MTHFD2L: variants seen among roughly 807,000 people sequenced by gnomAD.
MTHFD2L encodes bifunctional methylenetetrahydrofolate dehydrogenase/cyclohydrolase 2, mitochondrial.
Under a neutral mutation model 34.9 loss-of-function variants are expected in MTHFD2L, and 29 were observed. That is an observed-to-expected ratio of 0.83 (90% CI 0.62 to 1.13). The LOEUF is 1.13. MTHFD2L is among the 50% of genes most tolerant of loss of function. MTHFD2L has a pLI of 0.00. For synonymous variants in MTHFD2L, 167 were observed against 155.7 expected, an observed-to-expected ratio of 1.07 and a Z score of -0.54; for missense variants, 481 against 446.5, an observed-to-expected ratio of 1.08 and a Z score of -0.70.
intron 6 of MTHFD2L, among the ~76,000 whole-genome samples, chr4:74,243,317 G>A (rs1741969011): frequency 6.6e-6 from 1 of 152,150 alleles, no homozygotes; most frequent in African/African-American, 2.4e-5. Context: ...CTGAGTACAG[G>A]AACTCTGCAG....
intron 1 of MTHFD2L, among the ~76,000 whole-genome samples, chr4:74,166,572 G>T (rs1726752269): frequency 6.6e-6 from 1 of 152,210 alleles, no homozygotes; most frequent in Non-Finnish European, 1.5e-5. Flanking sequence ...CTCCCATTTG[G>T]TCTGTTTGTT....
intron 6 of MTHFD2L, among the ~76,000 whole-genome samples, chr4:74,239,503 G>C (rs1192884483): frequency 7.1e-6 from 1 of 139,864 alleles, no homozygotes; most frequent in African/African-American, 2.7e-5. Context: ...AAAAAAAAAA[G>C]GCTTCTGGAT....
At chr4:74,209,342 T>G (rs372433511) in intron 5 of MTHFD2L, among the ~76,000 whole-genome samples, 2 of 152,226 alleles carry the variant, frequency 1.3e-5, no homozygotes, top group Admixed American at 6.5e-5. Flanking sequence ...TCCCTCCCCT[T>G]GCTCCCCACC....
chr4:74,168,315 G>A (rs550771516), intron 1 of MTHFD2L, among the ~76,000 whole-genome samples: 101 of 152,204 alleles, frequency 6.6e-4, no homozygotes, highest in African/African-American at 2.4e-3. Flanking sequence ...AAAGATTTCA[G>A]GTATGCTCCT....
chr4:74,231,028 T>G (rs923869329), intron 6 of MTHFD2L, among the ~76,000 whole-genome samples: 3 of 152,170 alleles, frequency 2.0e-5, no homozygotes, highest in African/African-American at 7.2e-5. Context: ...AAAGCTGGCA[T>G]TTTTGGCCAC....
At chr4:74,261,343 A>G (rs985618520) in intron 6 of MTHFD2L, among the ~76,000 whole-genome samples, 2 of 151,820 alleles carry the variant, frequency 1.3e-5, no homozygotes, top group Non-Finnish European at 1.5e-5. Context: ...AATAATATAT[A>G]ATTAGAAAAT....
At chr4:74,219,208 A>G (rs1346360619) in intron 5 of MTHFD2L, among the ~76,000 whole-genome samples, 2 of 152,138 alleles carry the variant, frequency 1.3e-5, no homozygotes, top group African/African-American at 4.8e-5. Flanking sequence ...TCCCTCCCAG[A>G]TACTGACAGA....
chr4:74,160,966 A>C (rs978835818), intron 1 of MTHFD2L: 4 of 152,324 alleles, frequency 2.6e-5, no homozygotes, highest in African/African-American at 9.6e-5. Context: ...AACTAAATGG[A>C]TATCCCAAGC....
At chr4:74,117,625 CA>C (rs1354606422) in intron 2 of MTHFD2L, among the ~76,000 whole-genome samples, 12 of 152,202 alleles carry the variant, frequency 7.9e-5, no homozygotes, top group Admixed American at 5.9e-4. Flanking sequence ...TTCAAAGGTT[CA>C]AACATTTGGG....
At chr4:74,271,272 T>C (rs921661519) in intron 6 of MTHFD2L, among the ~76,000 whole-genome samples, 1 of 152,220 alleles carries the variant, frequency 6.6e-6, no homozygotes, top group African/African-American at 2.4e-5. Flanking sequence ...TGGTATTACC[T>C]AGGTTTTCTT....
At chr4:74,238,830 A>G (rs1200011039) in intron 6 of MTHFD2L, among the ~76,000 whole-genome samples, 1 of 152,250 alleles carries the variant, frequency 6.6e-6, no homozygotes, top group African/African-American at 2.4e-5. Flanking sequence ...TTAAAAAGTC[A>G]GGAAACAACA....
Position 74,210,393 on chromosome 4 carries a change from C to A in MTHFD2L, c.712+9023C>A, listed in dbSNP as rs926108705. 5.3e-5 allele frequency among the ~76,000 whole-genome samples: 8 copies of A among 152,282 alleles called. No individual in the cohort carries two copies. In the East Asian group the frequency reaches 1.5e-3, roughly 29 times the overall value. On this transcript the variant is annotated intron_variant, in intron 5 of 7. Coordinates refer to ENST00000325278, the MANE Select transcript of MTHFD2L (RefSeq NM_001144978.3). ...GAGATGTAAGGAAAGGTTCCAGTTT[C>A]AGTTTTCTGCATATGGCTAGCCAGT... is the stretch of plus-strand genomic sequence containing the variant.
intron 4 of MTHFD2L, among the ~76,000 whole-genome samples, chr4:74,200,348 A>G (rs1734220567): frequency 6.6e-6 from 1 of 152,208 alleles, no homozygotes; most frequent in Non-Finnish European, 1.5e-5. Context: ...AACAGAAAAA[A>G]AAATCCAAAA....
intron 5 of MTHFD2L, among the ~76,000 whole-genome samples, chr4:74,219,176 G>T (rs1327408368): frequency 1.3e-5 from 2 of 152,012 alleles, no homozygotes; most frequent in Non-Finnish European, 2.9e-5. Flanking sequence ...ATCTGCCAGT[G>T]CGGCAGGTGC....
intron 6 of MTHFD2L, among the ~76,000 whole-genome samples, chr4:74,232,473 A>C (rs1344454060): frequency 6.6e-6 from 1 of 151,994 alleles, no homozygotes; most frequent in Non-Finnish European, 1.5e-5. Flanking sequence ...ACCTCAGGCT[A>C]TTCTGGCCCT....
intron 6 of MTHFD2L, among the ~76,000 whole-genome samples, chr4:74,275,744 T>A (rs1023804270): frequency 6.6e-6 from 1 of 152,150 alleles, no homozygotes; most frequent in African/African-American, 2.4e-5. Context: ...CATAAATGTC[T>A]TCTTTTGAGG....
At position 74,262,248 on chromosome 4, in the gene MTHFD2L, T is replaced by C. The variant is rs1296368358; in HGVS notation, c.806-19177T>C. 2.6e-5 allele frequency among the ~76,000 whole-genome samples: 4 copies of C among 151,928 alleles called. No individual in the cohort carries two copies. In the East Asian group the frequency reaches 7.7e-4, roughly 29 times the overall value. On this transcript the variant is annotated intron_variant, in intron 6 of 7. Transcript: ENST00000325278. The stretch of plus-strand genomic sequence containing the variant: ...ACATACAAATATATTTCAGATGAGA[T>C]AAAGAACATAAATTAAAAACAACAA...
chr4:74,215,175 C>T (rs1736991125), intron 5 of MTHFD2L, among the ~76,000 whole-genome samples: 1 of 151,794 alleles, frequency 6.6e-6, no homozygotes, highest in South Asian at 2.1e-4. Context: ...GACCACTTGG[C>T]TCCCTGGCTT....
intron 1 of MTHFD2L, among the ~76,000 whole-genome samples, chr4:74,167,834 GA>G (rs1470389889): frequency 6.6e-6 from 1 of 152,206 alleles, no homozygotes; most frequent in Non-Finnish European, 1.5e-5. Context: ...ACCCATAGGG[GA>G]TTGGGATTTT....
Sources: allele counts gnomAD v4.1 joint callset (sites outside exome capture counted in the v4.1 genomes callset), GRCh38; gene constraint gnomAD v4.1.1; transcripts MANE v1.5; gene names NCBI Gene and HGNC (gene_info 2026-07-23, HGNC 2026-07-21).